Variants in MEGF8 observed in about 807,000 individuals in gnomAD.
MEGF8 encodes the protein multiple epidermal growth factor-like domains protein 8.
Under a neutral mutation model 302.9 loss-of-function variants are expected in MEGF8, and 156 were observed. The ratio of observed to expected loss-of-function variants is 0.52; its 90% CI spans 0.45 to 0.59. The LOEUF (loss-of-function observed/expected upper bound fraction) is 0.59, where lower values mean the gene tolerates loss of function less well. Ranked by LOEUF, MEGF8 falls within the 20% of genes least tolerant of loss-of-function variation. The pLI, the probability that MEGF8 is intolerant of heterozygous loss-of-function variation, is 0.00. For missense variants in MEGF8, 3,345 were observed against 3,964.5 expected, an observed-to-expected ratio of 0.84 and a Z score of 4.20; for synonymous variants, 1,621 against 1,660.5, an observed-to-expected ratio of 0.98 and a Z score of 0.58.
At chr19:42,347,760 C>T (rs35557987) in intron 12 of MEGF8, among the ~76,000 whole-genome samples, 2 of 151,764 alleles carry the variant, frequency 1.3e-5, no homozygotes, top group Admixed American at 6.6e-5. Flanking sequence ...CCAAAGTGCC[C>T]GCCGTGCCCA....
chr19:42,370,444 C>G, intron 39 of MEGF8, 85 bp downstream of exon 39: 1 of 1,240,884 alleles, frequency 8.1e-7, no homozygotes, highest in African/African-American at 1.6e-5. Flanking sequence ...GGCTGGAGAC[C>G]TGGACCCTTG....
chr19:42,358,056 A>C lies in MEGF8; in HGVS notation c.5012-88A>C, dbSNP rs2039477311. Reference sequence around the variant, plus strand: ...CTCCAGTCTCAGGGCCGGGGAAGGGAGTGGTCACCGAACAGGGGACCGGGA... The same window carrying C: ...CTCCAGTCTCAGGGCCGGGGAAGGGCGTGGTCACCGAACAGGGGACCGGGA... On this transcript the variant is annotated intron_variant, in intron 28 of 41. Transcript: ENST00000251268. This position sits in a 1 kb window ranked among gnomAD's most constrained non-coding sequence, Gnocchi z 4.4. 1 of 1,287,170 alleles carries C rather than the reference A, an allele frequency of 7.8e-7. No homozygotes were observed. The highest frequency in any genetic ancestry group is 1.0e-6 in the Non-Finnish European group (1 of 974,286). The allele number at this position is 1,287,170 out of a possible 1,614,324, so 79.7% of individuals were successfully genotyped here. A position where few individuals can be genotyped will look rare whatever the true frequency, so the allele number is the denominator to read the frequency against.
At chr19:42,345,682 A>G (rs1432138274) in intron 12 of MEGF8, among the ~76,000 whole-genome samples, 2 of 152,192 alleles carry the variant, frequency 1.3e-5, no homozygotes, top group African/African-American at 4.8e-5. Flanking sequence ...CATTTTGTTT[A>G]TCCATTCATC....
rs1249923163 is a variant in MEGF8 at position 42,352,287 on chromosome 19, G to A, written c.3181G>A (p.Val1061Met). 2.5e-6 allele frequency: 4 copies of A among 1,569,398 alleles called. No individual in the cohort carries two copies. The highest frequency in any genetic ancestry group is 1.2e-5 in the South Asian group (1 of 85,638). ...GGTGGGGGAGGGCCTGGGGCTTCCCGTGGCCCTCCCTGCCCGCTGGGCATA... is the reference window on the plus strand; with the variant it reads ...GGTGGGGGAGGGCCTGGGGCTTCCCATGGCCCTCCCTGCCCGCTGGGCATA... ...LWVGEGLGLPVALPARWAYAR... is the reference protein window; with the variant it reads ...LWVGEGLGLPMALPARWAYAR... Residue 1061 changes from valine (V) to methionine (M), a missense_variant, in exon 19 of 42, where the codon GTG (valine) becomes ATG (methionine). By Grantham distance (21) the Val-to-Met change is conservative. Transcript: ENST00000251268. The surrounding 1 kb of genome is among the most constrained non-coding windows in gnomAD (Gnocchi z 4.4).
In MEGF8 at chr19:42,362,006, G is replaced by T. The variant is rs985854242; in HGVS notation, c.5721-84G>T. On this transcript the variant is annotated intron_variant, in intron 32 of 41. Transcript: ENST00000251268. ...TGCTATGTCCAGCTTGGGATGCAGG[G>T]TTGGGGGCCTGCAGGACAGTGTCTG... 2.6e-6 allele frequency: 4 copies of T among 1,553,538 alleles called. No homozygotes were observed. The African/African-American group carries it at 4.1e-5, about 16-fold the overall frequency.
At chr19:42,373,255 G>A (rs556129280) in intron 41 of MEGF8, among the ~76,000 whole-genome samples, 1 of 150,826 alleles carries the variant, frequency 6.6e-6, no homozygotes, top group East Asian at 2.0e-4. Context: ...ACCACCCCCC[G>A]CTAATTTTTG....
chr19:42,371,559 C>T, intron 41 of MEGF8, 77 bp downstream of exon 41: 1 of 1,587,658 alleles, frequency 6.3e-7, no homozygotes, highest in South Asian at 1.1e-5. Context: ...GGTAGCCAGG[C>T]TCGGGCAGGA....
In MEGF8 at chr19:42,370,709, C is replaced by G. The variant is rs537788689; in HGVS notation, c.7014C>G (p.Asn2338Lys). 15 of 1,593,542 alleles carry G rather than the reference C, an allele frequency of 9.4e-6. No homozygotes were observed. In the African/African-American group the frequency reaches 2.0e-4, roughly 21 times the overall value. ...KYSLDPEEIE[N>K]WVTEGPSEDE... ...TGTCCTTCCTTGGCCAGATTGAAAA[C>G]TGGGTGACAGAGGGTCCTAGTGAAG... is the stretch of plus-strand genomic sequence containing the variant. Residue 2338 changes from asparagine to lysine, a missense_variant, in exon 40 of 42, where the codon AAC (asparagine) becomes AAG (lysine). Coordinates refer to ENST00000251268, the MANE Select transcript of MEGF8 (RefSeq NM_001271938.2).
intron 1 of MEGF8, among the ~76,000 whole-genome samples, chr19:42,326,701 C>T (rs1419181346): frequency 9.3e-5 from 14 of 151,090 alleles, no homozygotes; most frequent in Admixed American, 9.2e-4. Flanking sequence ...GGGTCTGGGT[C>T]CAATCATTTG....
chr19:42,358,290 C>G lies in MEGF8; in HGVS notation c.5158C>G (p.Pro1720Ala). 6.2e-7 allele frequency: 1 copy of G among 1,604,360 alleles called. No homozygotes were observed. The highest frequency in any genetic ancestry group is 8.5e-7 in the Non-Finnish European group (1 of 1,175,746). Reference sequence around the variant, plus strand: ...TGACCGCACCTGGAGTCTGCTGGCCCCTTCTCAGGGGGCAAAGGTCAGGAA... The same window carrying G: ...TGACCGCACCTGGAGTCTGCTGGCCGCTTCTCAGGGGGCAAAGGTCAGGAA... ...CPDRTWSLLA[P>A]SQGAKRDRMR... The change falls in exon 29 of 42, where the codon CCT becomes GCT. Residue 1720 changes from proline to alanine, a missense_variant. Coordinates refer to ENST00000251268, the MANE Select transcript of MEGF8 (RefSeq NM_001271938.2). This position sits in a 1 kb window ranked among gnomAD's most constrained non-coding sequence, Gnocchi z 4.4.
Position 42,357,456 on chromosome 19 carries a change from G to T in MEGF8, c.4883G>T (p.Arg1628Leu). 3 of 1,613,724 alleles carry T rather than the reference G, an allele frequency of 1.9e-6. No individual in the cohort carries two copies. The highest frequency in any genetic ancestry group is 2.5e-6 in the Non-Finnish European group (3 of 1,179,782). ...GTTGCTGGTCACACCCTTACTGCCC[G>T]CCGAGGCCTGTCTCTGCTCCTGGTG... ...PAVAGHTLTA[R>L]RGLSLLLVGG... Residue 1628 changes from arginine to leucine, a missense_variant, in exon 28 of 42, where the codon CGC becomes CTC. Arg to Leu is a moderately radical substitution (Grantham distance 102, BLOSUM62 -2). Coordinates refer to ENST00000251268, the MANE Select transcript of MEGF8 (RefSeq NM_001271938.2). The surrounding 1 kb of genome is among the most constrained non-coding windows in gnomAD (Gnocchi z 5.2).
rs773367219 is a variant in MEGF8, at chr19:42,336,667, AG to A, written c.1245-137del. ...AGAGATGACTCAGGGTCCTGCCCAC[AG>A]GGAACTTCTAGTTTGGAGGGGACAT... is the stretch of plus-strand genomic sequence containing the variant. On this transcript the variant is annotated intron_variant, in intron 6 of 41. Coordinates refer to ENST00000251268, the MANE Select transcript of MEGF8 (RefSeq NM_001271938.2). The surrounding 1 kb of genome is among the most constrained non-coding windows in gnomAD (Gnocchi z 4.8). The A allele has an allele frequency of 1.7e-4, 223 of 1,290,074 alleles. No homozygotes were observed. The highest frequency in any genetic ancestry group is 2.2e-4 in the Non-Finnish European group (214 of 952,634). 79.9% of individuals were successfully genotyped at this position (1,290,074 alleles called of 1,614,324 possible). A position where few individuals can be genotyped will look rare whatever the true frequency, so the allele number is the denominator to read the frequency against.
In MEGF8 at chr19:42,325,996, G is replaced by C. The variant is rs996097040; in HGVS notation, c.-248G>C. On this transcript the variant is annotated 5_prime_UTR_variant, in exon 1 of 42. Transcript: ENST00000251268. ...GGACTCCTACGGTCCCTAGGGTTCG[G>C]CCCCGTCCATAATGACTCCATATAC... The C allele has an allele frequency of 4.1e-6, 2 of 493,710 alleles. No homozygotes were observed. Among genetic ancestry groups the C allele is most frequent in the African/African-American group, 4.0e-5 (2 of 49,608 alleles). 30.6% of individuals were successfully genotyped at this position (493,710 alleles called of 1,614,324 possible).
chr19:42,348,013 A>C (rs372381131), intron 12 of MEGF8, among the ~76,000 whole-genome samples: 1 of 152,154 alleles, frequency 6.6e-6, no homozygotes, highest in African/African-American at 2.4e-5. Flanking sequence ...CCAGTCCTGG[A>C]GTTTTAATGT....
intron 8 of MEGF8, among the ~76,000 whole-genome samples, chr19:42,341,456 A>G (rs996168115): frequency 2.0e-5 from 3 of 150,538 alleles, no homozygotes; most frequent in African/African-American, 7.3e-5. Context: ...AAAAACACAC[A>G]TAAAAACAGA....
Position 42,337,207 on chromosome 19 carries a change from G to C in MEGF8, c.1513+1G>C. On this transcript the variant is annotated splice_donor_variant, in intron 8 of 41. Transcript: ENST00000251268. LOFTEE classifies it high-confidence loss of function. Reference sequence around the variant, plus strand: ...CTTGCCCCGCCAGGAACCCCTGAGGGTGAGTGGTCCCTGTTCTTCCCTAGG... The same window carrying C: ...CTTGCCCCGCCAGGAACCCCTGAGGCTGAGTGGTCCCTGTTCTTCCCTAGG... The C allele has an allele frequency of 6.2e-7, 1 of 1,613,596 alleles. No individual in the cohort carries two copies.
Position 42,376,006 on chromosome 19 carries a change from G to A in MEGF8, c.7769G>A (p.Arg2590His), listed in dbSNP as rs765704447. 2.3e-5 allele frequency: 37 copies of A among 1,605,986 alleles called. No homozygotes were observed. Among genetic ancestry groups the A allele is most frequent in the Middle Eastern group, 3.3e-4 (2 of 6,070 alleles). ...VTEPSAVLVV[R>H]GVRDRLVITY... ...GAGCCGTCGGCAGTGCTGGTGGTCC[G>A]CGGCGTGCGGGACCGGCTGGTCATC... Residue 2590 changes from arginine (R) to histidine (H), a missense_variant, in exon 42 of 42, where the codon CGC (arginine) becomes CAC (histidine). By Grantham distance (29) the Arg-to-His change is conservative. Coordinates refer to ENST00000251268, the MANE Select transcript of MEGF8 (RefSeq NM_001271938.2). The surrounding 1 kb of genome is among the most constrained non-coding windows in gnomAD (Gnocchi z 8.2).
At chr19:42,337,556 A>G (rs1460308713) in intron 8 of MEGF8, among the ~76,000 whole-genome samples, 4 of 132,662 alleles carry the variant, frequency 3.0e-5, no homozygotes, top group South Asian at 4.5e-4. Flanking sequence ...CCCAGGCTGG[A>G]GTGCAGTGAT....
chr19:42,333,432 C>A (rs2039080185), intron 1 of MEGF8, among the ~76,000 whole-genome samples, 173 bp from the exon 2 acceptor site: 1 of 152,350 alleles, frequency 6.6e-6, no homozygotes, highest in East Asian at 1.9e-4. Context: ...CAGCCCTTGA[C>A]TGCCCTAGGT....
Sources: allele counts gnomAD v4.1 joint callset (sites outside exome capture counted in the v4.1 genomes callset), GRCh38; gene constraint gnomAD v4.1.1; non-coding constraint Gnocchi (gnomAD v3.1); transcripts MANE v1.5; gene names NCBI Gene and HGNC (gene_info 2026-07-23, HGNC 2026-07-21).